ROBO2: variants seen among roughly 807,000 people sequenced by gnomAD.
ROBO2 encodes roundabout homolog 2.
Under a neutral mutation model 160.8 loss-of-function variants are expected in ROBO2, and 53 were observed. That is an observed-to-expected ratio of 0.33 (90% CI 0.26 to 0.41). The LOEUF is 0.41. ROBO2 is among the 10% of genes least tolerant of loss of function. The pLI, the probability that ROBO2 is intolerant of heterozygous loss-of-function variation, is 1.00. For synonymous variants in ROBO2, 664 were observed against 611.7 expected, an observed-to-expected ratio of 1.09 and a Z score of -1.26; for missense variants, 1,577 against 1,722.4, an observed-to-expected ratio of 0.92 and a Z score of 1.49.
intron 2 of ROBO2, among the ~76,000 whole-genome samples, chr3:77,347,304 G>A (rs1050666842): frequency 4.0e-5 from 6 of 151,896 alleles, no homozygotes; most frequent in African/African-American, 1.2e-4. Context: ...AAAACAATAC[G>A]AATTAAATAC....
chr3:76,592,220 G>A (rs1406636335), intron 2 of ROBO2, among the ~76,000 whole-genome samples: 1 of 152,026 alleles, frequency 6.6e-6, no homozygotes, highest in East Asian at 1.9e-4. Context: ...AATGGTCCTT[G>A]AAACATTGAA....
intron 2 of ROBO2, among the ~76,000 whole-genome samples, chr3:76,868,752 C>A (rs1006886913): frequency 6.6e-6 from 1 of 151,068 alleles, no homozygotes; most frequent in Non-Finnish European, 1.5e-5. Context: ...AAAAATCACT[C>A]GATGATTTTT....
chr3:77,234,819 T>A (rs1018567288), intron 2 of ROBO2, among the ~76,000 whole-genome samples: 2 of 152,174 alleles, frequency 1.3e-5, no homozygotes, highest in African/African-American at 4.8e-5. Flanking sequence ...TTAGAGCTTA[T>A]CTTCTTAATG....
intron 4 of ROBO2, among the ~76,000 whole-genome samples, chr3:77,482,790 A>T (rs1433491058): frequency 6.6e-6 from 1 of 152,048 alleles, no homozygotes; most frequent in Non-Finnish European, 1.5e-5. Flanking sequence ...GAAAGCCCAC[A>T]AGTATAGCTC....
intron 2 of ROBO2, among the ~76,000 whole-genome samples, chr3:76,194,350 G>GTGTGTGTGTATATA (rs759087780): frequency 2.4e-5 from 1 of 42,046 alleles, no homozygotes; most frequent in African/African-American, 5.9e-5. Context: ...TGTATGGTGT[G>GTGTGTGTGTATATA]TAAATATATA....
intron 2 of ROBO2, among the ~76,000 whole-genome samples, chr3:77,208,514 G>C (rs1298403983): frequency 6.6e-6 from 1 of 152,156 alleles, no homozygotes; most frequent in Non-Finnish European, 1.5e-5. Flanking sequence ...TTGTCAGTGT[G>C]TTTTCATTGA....
intron 2 of ROBO2, among the ~76,000 whole-genome samples, chr3:76,107,165 G>A (rs544203203): frequency 6.6e-6 from 1 of 152,208 alleles, no homozygotes; most frequent in Non-Finnish European, 1.5e-5. Flanking sequence ...GAAGAAACTG[G>A]CAGGTATTTG....
intron 2 of ROBO2, among the ~76,000 whole-genome samples, chr3:76,678,236 A>G (rs2092464255): frequency 6.6e-6 from 1 of 152,042 alleles, no homozygotes; most frequent in Non-Finnish European, 1.5e-5. Context: ...TTCCCAAAGT[A>G]CTGGGGTTAC....
intron 2 of ROBO2, among the ~76,000 whole-genome samples, chr3:76,402,992 A>G (rs1576976907): frequency 1.3e-5 from 2 of 151,728 alleles, no homozygotes; most frequent in South Asian, 4.1e-4. Context: ...GGAGATTCTG[A>G]CAATTTTGGA....
In ROBO2 at chr3:76,612,883, A is replaced by G. The variant is rs1461108558; in HGVS notation, c.110-485131A>G. Among the ~76,000 whole-genome samples the G allele has an allele frequency of 1.3e-5, 2 of 152,242 alleles. 1 individual carries two copies. Among genetic ancestry groups the G allele is most frequent in the East Asian group, 3.9e-4 (2 of 5,174 alleles). On this transcript the variant is annotated intron_variant, in intron 2 of 26. Coordinates refer to the ROBO2 transcript ENST00000487694. The stretch of plus-strand genomic sequence containing the variant: ...GTTTTGAAGTCTATTTTTTTCTGAC[A>G]TAAGTATAGCTACTACTGCTCTTTT...
Position 76,687,826 on chromosome 3 carries a change from G to A in ROBO2, c.110-410188G>A, listed in dbSNP as rs1172627612. On this transcript the variant is annotated intron_variant, in intron 2 of 26. Coordinates refer to the ROBO2 transcript ENST00000487694. ...GTCAAATCAATACCAGATAAATGAAGTGTCTCCATATTCTATAGCCAATAT... is the reference window on the plus strand; with the variant it reads ...GTCAAATCAATACCAGATAAATGAAATGTCTCCATATTCTATAGCCAATAT... Among the ~76,000 whole-genome samples, 5 of 151,984 alleles carry A rather than the reference G, an allele frequency of 3.3e-5. No individual in the cohort carries two copies. In the South Asian group the frequency reaches 1.0e-3, roughly 31 times the overall value.
intron 2 of ROBO2, among the ~76,000 whole-genome samples, chr3:76,959,605 C>T (rs529685812): frequency 9.2e-5 from 14 of 152,188 alleles, no homozygotes; most frequent in African/African-American, 2.9e-4. Flanking sequence ...TTCAAGGATG[C>T]TAAGTCTCTC....
intron 2 of ROBO2, among the ~76,000 whole-genome samples, chr3:76,289,895 C>A (rs563635781): frequency 6.6e-6 from 1 of 152,210 alleles, no homozygotes; most frequent in East Asian, 1.9e-4. Context: ...TTACTGTAGT[C>A]TTAGAATGTA....
chr3:76,806,869 T>C (rs1302177350), intron 2 of ROBO2, among the ~76,000 whole-genome samples: 1 of 152,082 alleles, frequency 6.6e-6, no homozygotes, highest in African/African-American at 2.4e-5. Context: ...ACTTCCTTTA[T>C]TGTCTTAGTA....
chr3:76,377,429 A>C (rs1411585749), intron 2 of ROBO2, among the ~76,000 whole-genome samples: 1 of 152,144 alleles, frequency 6.6e-6, no homozygotes. Flanking sequence ...TCTGTGCAAG[A>C]GTCCTGCACA....
intron 2 of ROBO2, among the ~76,000 whole-genome samples, chr3:76,961,599 G>C (rs1350985216): frequency 6.6e-6 from 1 of 152,130 alleles, no homozygotes; most frequent in Non-Finnish European, 1.5e-5. Flanking sequence ...AGATCACACA[G>C]ACCAGAGTTT....
intron 2 of ROBO2, among the ~76,000 whole-genome samples, chr3:76,972,398 T>C (rs562699378): frequency 6.6e-6 from 1 of 152,300 alleles, no homozygotes; most frequent in African/African-American, 2.4e-5. Context: ...TTTGGTTTGT[T>C]AGTTCTTTCT....
intron 5 of ROBO2, among the ~76,000 whole-genome samples, chr3:77,510,865 G>A (rs1410338154): frequency 6.6e-6 from 1 of 151,972 alleles, no homozygotes. Context: ...ATGGTTGGAG[G>A]CGTGGTCTTC....
intron 2 of ROBO2, among the ~76,000 whole-genome samples, chr3:76,553,827 T>G (rs2083556150): frequency 6.6e-6 from 1 of 152,168 alleles, no homozygotes; most frequent in Non-Finnish European, 1.5e-5. Context: ...TTTCTGCTCA[T>G]AAGCAATGAA....
Sources: allele counts gnomAD v4.1 joint callset (sites outside exome capture counted in the v4.1 genomes callset), GRCh38; gene constraint gnomAD v4.1.1; transcripts MANE v1.5; gene names NCBI Gene and HGNC (gene_info 2026-07-23, HGNC 2026-07-21).